Variants in THADA observed in about 807,000 individuals in gnomAD.
THADA encodes the protein THADA armadillo repeat containing, also known as tRNA (32-2'-O)-methyltransferase regulator THADA.
In THADA, 213 loss-of-function variants were observed where a neutral mutation model predicts 219.8. The observed-to-expected ratio is 0.97, with a 90% CI of 0.87 to 1.09. The LOEUF is 1.09. THADA is among the 50% of genes least tolerant of loss of function. The probability of loss-of-function intolerance (pLI) is 0.00; values close to 1 mark genes in which losing one functional copy is unlikely to be tolerated. For missense variants in THADA, 2,956 were observed against 2,311.3 expected (o/e 1.28, Z -5.72); for synonymous variants, 1,018 against 828.9 (o/e 1.23, Z -3.92).
chr2:43,489,002 G>A (rs1454544463), intron 25 of THADA, among the ~76,000 whole-genome samples: 1 of 151,944 alleles, frequency 6.6e-6, no homozygotes, highest in Non-Finnish European at 1.5e-5. Context: ...TTTAAAATTG[G>A]GTTGTCGTTT....
chr2:43,380,053 GAA>G (rs1211064097), intron 29 of THADA, among the ~76,000 whole-genome samples: 1 of 152,206 alleles, frequency 6.6e-6, no homozygotes, highest in African/African-American at 2.4e-5. Context: ...GGAACCACAG[GAA>G]AGTTTTTAGG....
chr2:43,262,328 C>T (rs1671050717), intron 36 of THADA, among the ~76,000 whole-genome samples: 1 of 152,160 alleles, frequency 6.6e-6, no homozygotes, highest in Non-Finnish European at 1.5e-5. Context: ...TTCTTTTCAT[C>T]TGTTATGAGG....
intron 36 of THADA, among the ~76,000 whole-genome samples, chr2:43,239,594 C>T (rs369799658): frequency 1.3e-5 from 2 of 152,196 alleles, no homozygotes; most frequent in African/African-American, 2.4e-5. Flanking sequence ...TTTCAGACCA[C>T]GGATTAAAAA....
intron 35 of THADA, among the ~76,000 whole-genome samples, chr2:43,283,357 T>C (rs1215801025): frequency 6.6e-6 from 1 of 152,186 alleles, no homozygotes; most frequent in Non-Finnish European, 1.5e-5. Flanking sequence ...CATTTCCACC[T>C]GAAAATGTGG....
chr2:43,546,729 C>G (rs1267856394), intron 20 of THADA, among the ~76,000 whole-genome samples: 1 of 151,984 alleles, frequency 6.6e-6, no homozygotes, highest in Non-Finnish European at 1.5e-5. Context: ...CTTGGTAGAT[C>G]TTCCTCCATC....
intron 29 of THADA, among the ~76,000 whole-genome samples, chr2:43,357,565 G>A (rs970200748): frequency 6.7e-6 from 1 of 149,984 alleles, no homozygotes; most frequent in Non-Finnish European, 1.5e-5. Context: ...AGGTGTAGAT[G>A]CTCAAGGATC....
chr2:43,454,287 C>G (rs1480806199), intron 26 of THADA, among the ~76,000 whole-genome samples: 1 of 152,128 alleles, frequency 6.6e-6, no homozygotes, highest in Non-Finnish European at 1.5e-5. Flanking sequence ...CCATTCTAGA[C>G]CTTTTCTATG....
At chr2:43,306,622 G>A (rs763052130) in intron 31 of THADA, among the ~76,000 whole-genome samples, 2 of 152,174 alleles carry the variant, frequency 1.3e-5, no homozygotes, top group African/African-American at 4.8e-5. Flanking sequence ...TGTAGAGTCT[G>A]AGACTGAAGA....
At chr2:43,583,307 TGTTG>T (rs1432239711) in intron 7 of THADA, among the ~76,000 whole-genome samples, 1 of 152,228 alleles carries the variant, frequency 6.6e-6, no homozygotes, top group Non-Finnish European at 1.5e-5. Flanking sequence ...AAGAAAATCC[TGTTG>T]GTTCTACCTT....
intron 29 of THADA, among the ~76,000 whole-genome samples, chr2:43,389,909 G>C (rs1397617878): frequency 1.3e-5 from 2 of 152,176 alleles, no homozygotes; most frequent in African/African-American, 4.8e-5. Flanking sequence ...ATTGTCTGCA[G>C]TGTCAATGGT....
At chr2:43,424,276 G>A (rs1466581095) in intron 28 of THADA, among the ~76,000 whole-genome samples, 1 of 152,196 alleles carries the variant, frequency 6.6e-6, no homozygotes, top group South Asian at 2.1e-4. Context: ...AAAAGCTCTT[G>A]TTGGCGCTTT....
At chr2:43,395,384 C>T (rs904994801) in intron 29 of THADA, among the ~76,000 whole-genome samples, 108 of 152,192 alleles carry the variant, frequency 7.1e-4, no homozygotes, top group African/African-American at 2.4e-3. Context: ...TTTTGAGCCA[C>T]AATGGTCCAT....
intron 25 of THADA, among the ~76,000 whole-genome samples, chr2:43,497,485 G>C (rs1258818150): frequency 2.0e-5 from 3 of 152,168 alleles, no homozygotes; most frequent in African/African-American, 7.2e-5. Flanking sequence ...GAGCTGAACA[G>C]TGAGAACACA....
intron 28 of THADA, among the ~76,000 whole-genome samples, chr2:43,422,457 T>C (rs1190655006): frequency 6.6e-6 from 1 of 152,072 alleles, no homozygotes. Context: ...ATAAGGAGAA[T>C]AATGTGGGTT....
chr2:43,379,892 T>C (rs1671796271), intron 29 of THADA, among the ~76,000 whole-genome samples: 1 of 152,200 alleles, frequency 6.6e-6, no homozygotes, highest in African/African-American at 2.4e-5. Flanking sequence ...TATGGATGAA[T>C]ATTAAATGTA....
intron 1 of THADA, among the ~76,000 whole-genome samples, chr2:43,593,922 C>T (rs1362346814): frequency 6.6e-6 from 1 of 152,120 alleles, no homozygotes. Context: ...CGTGAGCCAC[C>T]GCGCCCAGCC....
At chr2:43,514,505 T>A (rs1690928834) in intron 22 of THADA, among the ~76,000 whole-genome samples, 1 of 137,494 alleles carries the variant, frequency 7.3e-6, no homozygotes, top group South Asian at 2.1e-4. Context: ...TATACGTATA[T>A]TTTATATATA....
intron 36 of THADA, among the ~76,000 whole-genome samples, chr2:43,245,788 G>C (rs1437568535): frequency 2.0e-5 from 3 of 152,152 alleles, no homozygotes; most frequent in Non-Finnish European, 4.4e-5. Flanking sequence ...CACACTGGTG[G>C]GATATGGGTG....
intron 15 of THADA, chr2:43,562,407 G>C (rs1283758364): frequency 6.6e-6 from 1 of 152,246 alleles, no homozygotes; most frequent in Non-Finnish European, 1.5e-5. Flanking sequence ...ACCACGCCCG[G>C]CTAATTTTTT....
Sources: gnomAD v4.1 joint callset for allele counts (sites outside exome capture counted in the v4.1 genomes callset) on GRCh38, gnomAD v4.1.1 for gene constraint, MANE v1.5 for transcripts, NCBI Gene and HGNC (gene_info 2026-07-23, HGNC 2026-07-21) for gene names.